The following LHX2 variants were observed in gnomAD, a reference collection of about 807,000 sequenced individuals.
The protein encoded by LHX2 is LIM/homeobox protein Lhx2.
A neutral mutation model predicts 33.0 loss-of-function variants in LHX2; 6 were observed. The ratio of observed to expected loss-of-function variants is 0.18; its 90% CI spans 0.10 to 0.36. The LOEUF is 0.36. Ranked by LOEUF, LHX2 falls within the 10% of genes least tolerant of loss-of-function variation. The pLI is 1.00. For missense variants in LHX2, 442 were observed against 586.2 expected (o/e 0.75, Z 2.54); for synonymous variants, 292 against 253.1 (o/e 1.15, Z -1.46).
chr9:124,012,410 G>A lies in LHX2; in HGVS notation c.62G>A (p.Arg21Lys). The A allele has an allele frequency of 5.9e-6, 9 of 1,536,758 alleles. No homozygotes were observed. The highest frequency in any genetic ancestry group is 7.8e-6 in the Non-Finnish European group (9 of 1,147,010). ...VHGVIDEMDRRAKSEAPAISS... is the reference protein window; with the variant it reads ...VHGVIDEMDRKAKSEAPAISS... ...GGGGTCATCGACGAGATGGACCGCA[G>A]GGCCAAGAGCGAGGCTCCCGCCATC... Residue 21 changes from arginine (R) to lysine (K), a missense_variant, in exon 1 of 5, where the codon AGG (arginine) becomes AAG (lysine). Arg to Lys is a conservative substitution (Grantham distance 26). Coordinates refer to ENST00000373615, the MANE Select transcript of LHX2 (RefSeq NM_004789.4). This position sits in a 1 kb window ranked among gnomAD's most constrained non-coding sequence, Gnocchi z 4.3.
chr9:124,012,633 C>T lies in LHX2; in HGVS notation c.120+165C>T, dbSNP rs974831578. Reference sequence around the variant, plus strand: ...CCGGTGGCTCCCGGTTCGGGGGAAACCCGGCTGCTGGGACGCAGAAGGGAA... The same window carrying T: ...CCGGTGGCTCCCGGTTCGGGGGAAATCCGGCTGCTGGGACGCAGAAGGGAA... On this transcript the variant is annotated intron_variant, in intron 1 of 4. Coordinates refer to ENST00000373615, the MANE Select transcript of LHX2 (RefSeq NM_004789.4). This position sits in a 1 kb window ranked among gnomAD's most constrained non-coding sequence, Gnocchi z 4.3. 6.6e-6 allele frequency among the ~76,000 whole-genome samples: 1 copy of T among 152,236 alleles called. No individual in the cohort carries two copies. The highest frequency in any genetic ancestry group is 2.4e-5 in the African/African-American group (1 of 41,462).
chr9:124,026,209 A>T (rs550965640), intron 4 of LHX2, among the ~76,000 whole-genome samples: 49 of 152,310 alleles, frequency 3.2e-4, no homozygotes, highest in African/African-American at 1.2e-3. Flanking sequence ...CTGTAATTCC[A>T]GCACTTTGGG....
Position 124,032,382 on chromosome 9 carries a change from C to T in LHX2, c.934-38C>T, listed in dbSNP as rs983841604. On this transcript the variant is annotated intron_variant, in intron 4 of 4. Transcript: ENST00000373615. The surrounding 1 kb of genome is among the most constrained non-coding windows in gnomAD (Gnocchi z 4.1). ...AGCAGTCGGGGGGATGCTCTGCCTG[C>T]CTTCCGCTCACCAGCCCTTCCCTGT... 1.3e-6 allele frequency: 2 copies of T among 1,540,936 alleles called. No individual in the cohort carries two copies. Among genetic ancestry groups the T allele is most frequent in the African/African-American group, 2.7e-5 (2 of 74,092 alleles).
chr9:124,030,276 G>T (rs1182348633), intron 4 of LHX2, among the ~76,000 whole-genome samples: 1 of 152,252 alleles, frequency 6.6e-6, no homozygotes, highest in Non-Finnish European at 1.5e-5. Flanking sequence ...GGTGCGTGGG[G>T]CCAGGAGTCA....
chr9:124,017,864 C>A (rs999316972), intron 3 of LHX2, among the ~76,000 whole-genome samples: 7 of 151,964 alleles, frequency 4.6e-5, no homozygotes, highest in African/African-American at 1.7e-4. Flanking sequence ...GCCCGGGCCC[C>A]GGTGGAACGG....
In LHX2 at chr9:124,033,070, C is replaced by T. The variant is rs938897793; in HGVS notation, c.*363C>T. 5.6e-6 allele frequency: 1 copy of T among 177,918 alleles called. No individual in the cohort carries two copies. Among genetic ancestry groups the T allele is most frequent in the East Asian group, 1.5e-4 (1 of 6,690 alleles). 11.0% of individuals were successfully genotyped at this position (177,918 alleles called of 1,614,324 possible). ...TGGATGACTTGTTCATTTTTCTCTCCCTCTTTTTCTCTGTATATTTATGAC... is the reference window on the plus strand; with the variant it reads ...TGGATGACTTGTTCATTTTTCTCTCTCTCTTTTTCTCTGTATATTTATGAC... On this transcript the variant is annotated 3_prime_UTR_variant, in exon 5 of 5. Coordinates refer to ENST00000373615, the MANE Select transcript of LHX2 (RefSeq NM_004789.4).
chr9:124,016,920 G>C lies in LHX2; in HGVS notation c.727+1395G>C, dbSNP rs1859200703. Reference sequence around the variant, plus strand: ...ACACCAAGCCGCTTCTATTTATCAAGTGGGTCAACTTCCACTCGGAAGCAC... The same window carrying C: ...ACACCAAGCCGCTTCTATTTATCAACTGGGTCAACTTCCACTCGGAAGCAC... On this transcript the variant is annotated intron_variant, in intron 3 of 4. Coordinates refer to ENST00000373615, the MANE Select transcript of LHX2 (RefSeq NM_004789.4). This position sits in a 1 kb window ranked among gnomAD's most constrained non-coding sequence, Gnocchi z 4.4. 6.6e-6 allele frequency among the ~76,000 whole-genome samples: 1 copy of C among 152,186 alleles called. No individual in the cohort carries two copies. Among genetic ancestry groups the C allele is most frequent in the Non-Finnish European group, 1.5e-5 (1 of 68,038 alleles).
At position 124,014,791 on chromosome 9, in the gene LHX2, C is replaced by T. The variant is rs555932752; in HGVS notation, c.324-331C>T. Among the ~76,000 whole-genome samples, 7 of 152,238 alleles carry T rather than the reference C, an allele frequency of 4.6e-5. No homozygotes were observed. The highest frequency in any genetic ancestry group is 1.7e-4 in the African/African-American group (7 of 41,544). ...TATAAAAGTCAGTAGGATTCCCAGG[C>T]GCTGGTTTGGAGGGAGGAGTAAAGG... On this transcript the variant is annotated intron_variant, in intron 2 of 4. Transcript: ENST00000373615. The surrounding 1 kb of genome is among the most constrained non-coding windows in gnomAD (Gnocchi z 4.8).
chr9:124,024,587 T>C (rs992781445), intron 4 of LHX2, among the ~76,000 whole-genome samples: 2 of 152,210 alleles, frequency 1.3e-5, no homozygotes, highest in Non-Finnish European at 2.9e-5. Flanking sequence ...TTACTGGTGG[T>C]TGCACGGAGT....
At position 124,016,750 on chromosome 9, in the gene LHX2, G is replaced by A. The variant is rs548111984; in HGVS notation, c.727+1225G>A. On this transcript the variant is annotated intron_variant, in intron 3 of 4. Coordinates refer to ENST00000373615, the MANE Select transcript of LHX2 (RefSeq NM_004789.4). This position sits in a 1 kb window ranked among gnomAD's most constrained non-coding sequence, Gnocchi z 4.4. ...AAACGCAGCCCCCAGTTTGGTAAAT[G>A]GTGAAGCAGCGGTAGGCCGGTCGGT... is the stretch of plus-strand genomic sequence containing the variant. Among the ~76,000 whole-genome samples the A allele has an allele frequency of 6.6e-6, 1 of 152,290 alleles. No homozygotes were observed. Among genetic ancestry groups the A allele is most frequent in the South Asian group, 2.1e-4 (1 of 4,818 alleles).
At chr9:124,013,801 C>T (rs1017122851) in intron 1 of LHX2, among the ~76,000 whole-genome samples, 160 bp from the exon 2 acceptor site, 2 of 152,248 alleles carry the variant, frequency 1.3e-5, no homozygotes, top group Admixed American at 6.5e-5. Flanking sequence ...TGGAAATGGG[C>T]CTTTTGGGGT....
rs185256949 is a variant in LHX2, at chr9:124,022,513, G to A, written c.933+1209G>A. ...CAGTGCCAGCGACACACATTTTGAG[G>A]GAAGAAAACCGAGGGATGAAGTAAC... On this transcript the variant is annotated intron_variant, in intron 4 of 4. Coordinates refer to ENST00000373615, the MANE Select transcript of LHX2 (RefSeq NM_004789.4). Among the ~76,000 whole-genome samples the A allele has an allele frequency of 3.1e-3, 465 of 152,266 alleles. 1 individual carries two copies. The highest frequency in any genetic ancestry group is 4.2e-3 in the Non-Finnish European group (286 of 68,028).
Position 124,014,002 on chromosome 9 carries a change from C to T in LHX2, c.162C>T (p.Ala54=), listed in dbSNP as rs201094464. 1.1e-5 allele frequency: 18 copies of T among 1,613,398 alleles called. No individual in the cohort carries two copies. Among genetic ancestry groups the T allele is most frequent in the South Asian group, 2.2e-5 (2 of 91,084 alleles). The part of the protein sequence containing the change: ...SISSDRAALC[A]GCGGKISDRY... ...GCAGTGACCGCGCCGCGCTGTGCGC[C>T]GGCTGCGGGGGCAAGATCTCGGACC... Residue 54 remains alanine, a synonymous_variant, in exon 2 of 5, where the codon GCC becomes GCT. Coordinates refer to ENST00000373615, the MANE Select transcript of LHX2 (RefSeq NM_004789.4). The surrounding 1 kb of genome is among the most constrained non-coding windows in gnomAD (Gnocchi z 4.8).
chr9:124,021,283 C>A lies in LHX2; in HGVS notation c.912C>A (p.Gly304=), dbSNP rs945910035. ...KDLKQLAQKT[G]LTKRVLQVWF... is the part of the protein sequence containing the mutation. ...TGAAGCAGCTCGCGCAAAAGACGGGCCTCACCAAGCGGGTCCTCCAGGTCA... is the reference window on the plus strand; with the variant it reads ...TGAAGCAGCTCGCGCAAAAGACGGGACTCACCAAGCGGGTCCTCCAGGTCA... Residue 304 remains glycine, a synonymous_variant, in exon 4 of 5, where the codon GGC becomes GGA. Transcript: ENST00000373615. 6.2e-7 allele frequency: 1 copy of A among 1,613,838 alleles called. No homozygotes were observed. The highest frequency in any genetic ancestry group is 2.2e-5 in the East Asian group (1 of 44,880).
chr9:124,017,176 C>CT (rs1161478674), intron 3 of LHX2, among the ~76,000 whole-genome samples: 1 of 152,220 alleles, frequency 6.6e-6, no homozygotes, highest in East Asian at 1.9e-4. Flanking sequence ...AGCCATCTCA[C>CT]TTTCTCTCTG....
chr9:124,031,100 C>T (rs1483004908), intron 4 of LHX2, among the ~76,000 whole-genome samples: 2 of 152,192 alleles, frequency 1.3e-5, no homozygotes, highest in Non-Finnish European at 2.9e-5. Flanking sequence ...CCCCGCCGCA[C>T]GTCCCTCATA....
Position 124,032,840 on chromosome 9 carries a change from T to TTA in LHX2, c.*133_*134insTA. The stretch of plus-strand genomic sequence containing the variant: ...TTAGGATCTCGCCTGGAAACAGAGG[T>TTA]AAAAAAAAGAAGTGTGCGCCCGGCT... On this transcript the variant is annotated 3_prime_UTR_variant, in exon 5 of 5. Coordinates refer to ENST00000373615, the MANE Select transcript of LHX2 (RefSeq NM_004789.4). The surrounding 1 kb of genome is among the most constrained non-coding windows in gnomAD (Gnocchi z 4.1). 9.4e-7 allele frequency: 1 copy of TTA among 1,060,254 alleles called. No homozygotes were observed. Among genetic ancestry groups the TTA allele is most frequent in the Non-Finnish European group, 1.3e-6 (1 of 754,368 alleles). The allele number at this position is 1,060,254 out of a possible 1,614,324, so 65.7% of individuals were successfully genotyped here. A position where few individuals can be genotyped will look rare whatever the true frequency, so the allele number is the denominator to read the frequency against.
intron 4 of LHX2, among the ~76,000 whole-genome samples, chr9:124,027,128 G>A (rs146542606): frequency 1.4e-3 from 220 of 152,290 alleles, no homozygotes; most frequent in Middle Eastern, 0.014. Context: ...TAGGCCTGGG[G>A]CTAGAACCAA....
At chr9:124,017,529 G>A (rs773932283) in intron 3 of LHX2, among the ~76,000 whole-genome samples, 10 of 151,992 alleles carry the variant, frequency 6.6e-5, no homozygotes, top group Non-Finnish European at 1.5e-4. Context: ...GGGGACCCTG[G>A]AGGGTGCGAT....
Sources: allele counts gnomAD v4.1 joint callset (sites outside exome capture counted in the v4.1 genomes callset), GRCh38; gene constraint gnomAD v4.1.1; non-coding constraint Gnocchi (gnomAD v3.1); transcripts MANE v1.5; gene names NCBI Gene and HGNC (gene_info 2026-07-23, HGNC 2026-07-21).